UGT2B11: variants seen among roughly 807,000 people sequenced by gnomAD.
The protein encoded by UGT2B11 is UDP-glucuronosyltransferase 2B11.
In UGT2B11, 49 loss-of-function variants were observed where a neutral mutation model predicts 51.7. The observed-to-expected ratio is 0.95, with a 90% CI of 0.75 to 1.20. The LOEUF is 1.20. UGT2B11 is among the 50% of genes most tolerant of loss of function. UGT2B11 has a pLI of 0.00. For missense variants in UGT2B11, 810 were observed against 622.1 expected (o/e 1.30, Z -3.21); for synonymous variants, 273 against 209.0 (o/e 1.31, Z -2.64).
intron 5 of UGT2B11, 26 bp downstream of exon 5, chr4:69,204,404 C>G: frequency 6.2e-7 from 1 of 1,609,586 alleles, no homozygotes; most frequent in Non-Finnish European, 8.5e-7. Flanking sequence ...CAAATACCAC[C>G]TAGTGAAAAA....
chr4:69,219,616 G>A (rs532415023), upstream of UGT2B11, among the ~76,000 whole-genome samples: 1 of 152,000 alleles, frequency 6.6e-6, no homozygotes, highest in South Asian at 2.1e-4. Flanking sequence ...GCAATGATGA[G>A]AAAAGGCAAA....
chr4:69,206,463 A>AGAT lies in UGT2B11; in HGVS notation c.1003-899_1003-897dup, dbSNP rs567431364. ...ACATAGATGGCAACAACATACACTG[A>AGAT]GATGTATTGGAGGGTGGAGGGTGGG... is the stretch of plus-strand genomic sequence containing the variant. On this transcript the variant is annotated intron_variant, in intron 3 of 5. Coordinates refer to ENST00000446444, the MANE Select transcript of UGT2B11 (RefSeq NM_001073.3). 4.4e-3 allele frequency among the ~76,000 whole-genome samples: 660 copies of AGAT among 151,600 alleles called. 7 individuals are homozygous for AGAT. Among genetic ancestry groups the AGAT allele is most frequent in the African/African-American group, 0.015 (631 of 41,446 alleles).
chr4:69,224,348 G>A, the UGT2B11 span, among the ~76,000 whole-genome samples: 1 of 152,076 alleles, frequency 6.6e-6, no homozygotes, highest in Non-Finnish European at 1.5e-5. Context: ...AATGTCTGCT[G>A]ATAACTCCCA....
Position 69,208,266 on chromosome 4 carries a change from A to G in UGT2B11, c.1002+85T>C, listed in dbSNP as rs1721931086. 4.4e-6 allele frequency: 7 copies of G among 1,586,414 alleles called. No individual in the cohort carries two copies. In the South Asian group the frequency reaches 6.9e-5, roughly 16 times the overall value. On this transcript the variant is annotated intron_variant, in intron 3 of 5. Coordinates refer to ENST00000446444, the MANE Select transcript of UGT2B11 (RefSeq NM_001073.3). ...TATTTGGATGTAAAGAGTTCACTCT[A>G]CTCTTAATATTCTTTCTATGTAGAT...
chr4:69,216,995 C>T (rs1722290667), upstream of UGT2B11, among the ~76,000 whole-genome samples: 1 of 152,060 alleles, frequency 6.6e-6, no homozygotes, highest in Non-Finnish European at 1.5e-5. Flanking sequence ...AGCATCATTT[C>T]ATGTTTCCTG....
At position 69,200,714 on chromosome 4, in the gene UGT2B11, T is replaced by A; in HGVS notation, c.1316A>T (p.Lys439Ile). ...TCTTGATAATTTCATAATATTCTCT[T>A]TATATCTGAAGGATAAAAATAAGGA... The part of the protein sequence containing the change: ...LKTVINDPLY[K>I]ENIMKLSRIQ... Residue 439 changes from lysine to isoleucine, a missense_variant, in exon 6 of 6, where the codon AAA (lysine) becomes ATA (isoleucine). Lys to Ile is a moderately radical substitution (Grantham distance 102). Coordinates refer to ENST00000446444, the MANE Select transcript of UGT2B11 (RefSeq NM_001073.3). 6.2e-6 allele frequency: 10 copies of A among 1,608,868 alleles called. No homozygotes were observed. Among genetic ancestry groups the A allele is most frequent in the Non-Finnish European group, 8.5e-6 (10 of 1,177,474 alleles).
upstream of UGT2B11, among the ~76,000 whole-genome samples, chr4:69,218,618 C>T (rs1722334124): frequency 1.3e-5 from 2 of 151,466 alleles, no homozygotes; most frequent in Admixed American, 1.3e-4. Flanking sequence ...GGAAGTGTTC[C>T]CAGATAAAGG....
At chr4:69,209,799 C>T (rs1721990682) in intron 2 of UGT2B11, among the ~76,000 whole-genome samples, 3 of 151,416 alleles carry the variant, frequency 2.0e-5, no homozygotes, top group African/African-American at 7.3e-5. Flanking sequence ...CCTTGTTTTT[C>T]TACTAGGTGT....
chr4:69,202,438 G>C (rs1471728580), intron 5 of UGT2B11, among the ~76,000 whole-genome samples: 1 of 151,544 alleles, frequency 6.6e-6, no homozygotes, highest in Non-Finnish European at 1.5e-5. Context: ...TTTCCAATAT[G>C]GCTGGATCAT....
chr4:69,204,685 G>A, intron 4 of UGT2B11, 36 bp from the exon 5 acceptor site: 3 of 1,609,522 alleles, frequency 1.9e-6, no homozygotes, highest in Non-Finnish European at 2.5e-6. Context: ...ATTATTCATA[G>A]GAATAAAATG....
Position 69,214,425 on chromosome 4 carries a change from T to C in UGT2B11, c.298A>G (p.Ile100Val), listed in dbSNP as rs768577720. Residue 100 changes from isoleucine (I) to valine (V), a missense_variant, in exon 1 of 6, where the codon ATT becomes GTT. Physicochemically the swap from Ile to Val is conservative, Grantham distance 29 (BLOSUM62 3). Coordinates refer to ENST00000446444, the MANE Select transcript of UGT2B11 (RefSeq NM_001073.3). ...TATAACCAAAAGCTATCTTTTCGAATGTCTGACCATCTCTTAACCTGTTGC... is the reference window on the plus strand; with the variant it reads ...TATAACCAAAAGCTATCTTTTCGAACGTCTGACCATCTCTTAACCTGTTGC... ...IMQQVKRWSD[I>V]RKDSFWLYFS... 2 of 1,613,196 alleles carry C rather than the reference T, an allele frequency of 1.2e-6. No individual in the cohort carries two copies. Among genetic ancestry groups the C allele is most frequent in the South Asian group, 1.1e-5 (1 of 91,050 alleles).
At position 69,200,496 on chromosome 4, in the gene UGT2B11, A is replaced by T. The variant is rs1219077852; in HGVS notation, c.1534T>A (p.Cys512Ser). 6.2e-7 allele frequency: 1 copy of T among 1,612,130 alleles called. No individual in the cohort carries two copies. The highest frequency in any genetic ancestry group is 8.5e-7 in the Non-Finnish European group (1 of 1,178,842). The part of the protein sequence containing the change: ...ATVIFIITKF[C>S]LFCFWKFARK... ...GCAAACTTCCAGAAACAAAACAGACAAAACTTTGTGATGATAAATATCACA... is the reference window on the plus strand; with the variant it reads ...GCAAACTTCCAGAAACAAAACAGACTAAACTTTGTGATGATAAATATCACA... The change falls in exon 6 of 6, where the codon TGT becomes AGT. Residue 512 changes from cysteine (C) to serine (S), a missense_variant. Cys to Ser is a moderately radical substitution (Grantham distance 112). Coordinates refer to ENST00000446444, the MANE Select transcript of UGT2B11 (RefSeq NM_001073.3).
chr4:69,202,072 G>T (rs996469902), intron 5 of UGT2B11, among the ~76,000 whole-genome samples: 1 of 151,676 alleles, frequency 6.6e-6, no homozygotes, highest in African/African-American at 2.4e-5. Flanking sequence ...TACATAATAC[G>T]TACTCAAAAG....
intron 3 of UGT2B11, among the ~76,000 whole-genome samples, chr4:69,206,445 T>C (rs532100738): frequency 6.6e-6 from 1 of 151,448 alleles, no homozygotes; most frequent in Admixed American, 6.6e-5. Context: ...GACACATAGA[T>C]GGCAACAACA....
intron 5 of UGT2B11, chr4:69,201,424 G>A (rs1304038749): frequency 1.3e-5 from 2 of 151,748 alleles, no homozygotes; most frequent in Non-Finnish European, 2.9e-5. Context: ...TTTTTGGCTG[G>A]CTTCTCATTC....
chr4:69,204,793 T>C (rs1346161103), intron 4 of UGT2B11, 144 bp from the exon 5 acceptor site: 2 of 1,330,464 alleles, frequency 1.5e-6, no homozygotes, highest in Non-Finnish European at 2.1e-6. Context: ...AAAAAGCACG[T>C]ACTTGTTTAG....
At chr4:69,205,387 G>A in intron 4 of UGT2B11, 93 bp downstream of exon 4, 1 of 1,486,802 alleles carries the variant, frequency 6.7e-7, no homozygotes, top group Non-Finnish European at 9.2e-7. Flanking sequence ...GTTCTTTTTT[G>A]TTTTCCTATA....
chr4:69,205,163 A>C (rs1386082526), intron 4 of UGT2B11, among the ~76,000 whole-genome samples: 1 of 151,660 alleles, frequency 6.6e-6, no homozygotes, highest in Non-Finnish European at 1.5e-5. Context: ...ATTTGAAATA[A>C]TCCTGCAGGA....
At chr4:69,201,832 T>G (rs1294067158) in intron 5 of UGT2B11, among the ~76,000 whole-genome samples, 2 of 151,834 alleles carry the variant, frequency 1.3e-5, no homozygotes, top group African/African-American at 4.8e-5. Context: ...ACACAAAAGA[T>G]AAATATACAT....
Sources: allele counts gnomAD v4.1 joint callset (sites outside exome capture counted in the v4.1 genomes callset), GRCh38; gene constraint gnomAD v4.1.1; transcripts MANE v1.5; gene names NCBI Gene and HGNC (gene_info 2026-07-23, HGNC 2026-07-21).